The following RGS6 variants were observed in gnomAD, a reference collection of about 807,000 sequenced individuals.
RGS6 encodes the protein regulator of G protein signaling 6.
RGS6 carries 30 observed loss-of-function variants against 78.5 expected under a neutral mutation model. The ratio of observed to expected loss-of-function variants is 0.38; its 90% CI spans 0.29 to 0.52. The LOEUF (loss-of-function observed/expected upper bound fraction) is 0.52. Among genes scored for constraint, RGS6 ranks in the 20% least tolerant of loss-of-function variants. The pLI is 0.85. For missense variants in RGS6, 495 were observed against 609.7 expected (o/e 0.81, Z 1.98); for synonymous variants, 206 against 206.0 (o/e 1.00, Z 0.00).
intron 2 of RGS6, among the ~76,000 whole-genome samples, chr14:72,091,050 T>C (rs1327830832): frequency 3.9e-5 from 6 of 152,156 alleles, no homozygotes; most frequent in African/African-American, 1.4e-4. Context: ...CATGAACGTT[T>C]ATTGTGCAGT....
At chr14:71,976,229 T>C (rs1297064313) in intron 2 of RGS6, among the ~76,000 whole-genome samples, 1 of 151,326 alleles carries the variant, frequency 6.6e-6, no homozygotes. Flanking sequence ...TTTCTTTTTT[T>C]TTTGTTCTTC....
chr14:72,393,474 T>C (rs892890661), intron 3 of RGS6, among the ~76,000 whole-genome samples: 20 of 152,188 alleles, frequency 1.3e-4, no homozygotes, highest in Non-Finnish European at 1.5e-4. Flanking sequence ...ACCAGGGATC[T>C]AGTCTAATCC....
intron 2 of RGS6, among the ~76,000 whole-genome samples, chr14:72,314,338 A>C (rs2069472837): frequency 6.6e-6 from 1 of 152,190 alleles, no homozygotes; most frequent in Non-Finnish European, 1.5e-5. Context: ...GGGTCCAGGC[A>C]TCACAACATG....
intron 3 of RGS6, among the ~76,000 whole-genome samples, chr14:72,436,604 C>T (rs1475057970): frequency 6.6e-6 from 1 of 152,168 alleles, no homozygotes; most frequent in African/African-American, 2.4e-5. Context: ...GGGCTACTGA[C>T]CTATCAATTT....
the RGS6 span, among the ~76,000 whole-genome samples, chr14:72,608,978 T>C: frequency 6.6e-6 from 1 of 152,352 alleles, no homozygotes; most frequent in East Asian, 1.9e-4. Context: ...CCCCACAGGA[T>C]CTCTACATTT....
At chr14:72,596,746 T>C in the RGS6 span, among the ~76,000 whole-genome samples, 1 of 152,368 alleles carries the variant, frequency 6.6e-6, no homozygotes, top group Non-Finnish European at 1.5e-5. Context: ...GCACTCATCG[T>C]ATCTTACATC....
At chr14:72,506,268 G>A (rs1036391522) in intron 13 of RGS6, among the ~76,000 whole-genome samples, 14 of 152,234 alleles carry the variant, frequency 9.2e-5, no homozygotes, top group Admixed American at 3.9e-4. Context: ...ATAAACTCTC[G>A]AAAATCCAAA....
At chr14:72,585,732 A>T in the RGS6 span, among the ~76,000 whole-genome samples, 1 of 152,200 alleles carries the variant, frequency 6.6e-6, no homozygotes, top group African/African-American at 2.4e-5. Flanking sequence ...AGCACGTCAA[A>T]ACCTCCACTC....
At chr14:72,244,567 C>A (rs1264906317) in intron 2 of RGS6, among the ~76,000 whole-genome samples, 3 of 152,206 alleles carry the variant, frequency 2.0e-5, no homozygotes, top group African/African-American at 7.2e-5. Flanking sequence ...CCTACCATAG[C>A]TGCTAGCTCC....
intron 2 of RGS6, among the ~76,000 whole-genome samples, chr14:72,177,662 C>A (rs2097124183): frequency 1.3e-5 from 2 of 152,180 alleles, no homozygotes; most frequent in South Asian, 4.1e-4. Context: ...GGGTATATTA[C>A]AGGATCCCTT....
intron 2 of RGS6, among the ~76,000 whole-genome samples, chr14:72,100,338 C>T (rs1386666912): frequency 2.0e-5 from 3 of 152,004 alleles, no homozygotes; most frequent in Non-Finnish European, 4.4e-5. Flanking sequence ...AACCTCCTCT[C>T]TCCTAAATTA....
chr14:72,350,623 C>T (rs1226013119), intron 2 of RGS6, among the ~76,000 whole-genome samples: 1 of 152,118 alleles, frequency 6.6e-6, no homozygotes, highest in Non-Finnish European at 1.5e-5. Context: ...CATTGACCAG[C>T]AACATGCAAG....
At chr14:72,604,941 T>C in the RGS6 span, among the ~76,000 whole-genome samples, 1 of 152,186 alleles carries the variant, frequency 6.6e-6, no homozygotes, top group Non-Finnish European at 1.5e-5. Context: ...GGTTTCTTTC[T>C]GAGCGGGGCC....
chr14:72,410,643 C>T (rs1461976254), intron 3 of RGS6, among the ~76,000 whole-genome samples: 1 of 152,176 alleles, frequency 6.6e-6, no homozygotes, highest in Admixed American at 6.5e-5. Context: ...AGTCCTTGCC[C>T]ACGCCTATGT....
At chr14:72,082,046 A>G (rs1436968692) in intron 2 of RGS6, among the ~76,000 whole-genome samples, 4 of 152,106 alleles carry the variant, frequency 2.6e-5, no homozygotes, top group African/African-American at 7.2e-5. Flanking sequence ...ATTTCTTAAT[A>G]GTACTTAGAG....
At chr14:72,616,582 T>A in the RGS6 span, among the ~76,000 whole-genome samples, 1 of 152,304 alleles carries the variant, frequency 6.6e-6, no homozygotes, top group East Asian at 1.9e-4. Flanking sequence ...TTATGTAACA[T>A]GATGCTTAAG....
At chr14:72,046,371 T>A (rs2092836415) in intron 2 of RGS6, among the ~76,000 whole-genome samples, 1 of 152,198 alleles carries the variant, frequency 6.6e-6, no homozygotes, top group Admixed American at 6.5e-5. Context: ...CTGAAACATT[T>A]TATTTCTAAA....
intron 2 of RGS6, among the ~76,000 whole-genome samples, chr14:71,990,095 C>A (rs151206266): frequency 2.0e-4 from 30 of 152,226 alleles, no homozygotes; most frequent in African/African-American, 7.2e-4. Flanking sequence ...GACACCATAC[C>A]CAAAGGGCAT....
chr14:72,342,000 CT>C (rs1338538156), intron 2 of RGS6, among the ~76,000 whole-genome samples: 1 of 152,142 alleles, frequency 6.6e-6, no homozygotes, highest in Non-Finnish European at 1.5e-5. Context: ...TTATTGACCT[CT>C]CTGCCGCAGT....
Sources: gnomAD v4.1 joint callset for allele counts (sites outside exome capture counted in the v4.1 genomes callset) on GRCh38, gnomAD v4.1.1 for gene constraint, MANE v1.5 for transcripts, NCBI Gene and HGNC (gene_info 2026-07-23, HGNC 2026-07-21) for gene names.